The following ATF6 variants were observed in gnomAD, a reference collection of about 807,000 sequenced individuals.
ATF6 encodes the protein cyclic AMP-dependent transcription factor ATF-6 alpha.
In ATF6, 53 loss-of-function variants were observed where a neutral mutation model predicts 83.6. The ratio of observed to expected loss-of-function variants is 0.63; its 90% CI spans 0.51 to 0.80. The LOEUF (loss-of-function observed/expected upper bound fraction) is 0.80. Among genes scored for constraint, ATF6 ranks in the 30% least tolerant of loss-of-function variants. ATF6 has a pLI of 0.00. For synonymous variants in ATF6, 288 were observed against 285.8 expected, an observed-to-expected ratio of 1.01 and a Z score of -0.08; for missense variants, 744 against 797.9, an observed-to-expected ratio of 0.93 and a Z score of 0.81.
intron 6 of ATF6, among the ~76,000 whole-genome samples, chr1:161,799,267 A>G (rs1205051060): frequency 4.6e-5 from 7 of 152,218 alleles, no homozygotes; most frequent in African/African-American, 1.4e-4. Context: ...GAATGAAATC[A>G]TGTTCTTTGC....
chr1:161,899,098 G>A (rs1271948276), intron 14 of ATF6, among the ~76,000 whole-genome samples: 1 of 152,156 alleles, frequency 6.6e-6, no homozygotes, highest in Non-Finnish European at 1.5e-5. Context: ...ATGTAACAAT[G>A]TTGAGACATC....
At chr1:161,871,139 A>G (rs1457491600) in intron 14 of ATF6, among the ~76,000 whole-genome samples, 1 of 151,478 alleles carries the variant, frequency 6.6e-6, no homozygotes. Flanking sequence ...TTTATGTCCT[A>G]CTCTTCAAAA....
intron 8 of ATF6, 140 bp from the exon 9 acceptor site, chr1:161,820,930 T>C: frequency 2.1e-6 from 1 of 486,310 alleles, no homozygotes; most frequent in Non-Finnish European, 3.5e-6. Flanking sequence ...TTTGATTTTT[T>C]TTTTTTTTTT....
intron 6 of ATF6, 145 bp from the exon 7 acceptor site, chr1:161,801,907 A>C: frequency 1.5e-6 from 1 of 677,572 alleles, no homozygotes; most frequent in Non-Finnish European, 2.5e-6. Context: ...GTGTGCTGCT[A>C]TTGATCCAAT....
intron 6 of ATF6, 139 bp from the exon 7 acceptor site, chr1:161,801,913 C>T (rs1424182809): frequency 1.3e-5 from 9 of 703,840 alleles, no homozygotes; most frequent in Non-Finnish European, 2.2e-5. Context: ...TGCTATTGAT[C>T]CAATGTTTTA....
Position 161,792,078 on chromosome 1 carries a change from G to A in ATF6, c.485-46G>A, listed in dbSNP as rs371146873. 116 of 1,545,186 alleles carry A rather than the reference G, an allele frequency of 7.5e-5. No individual in the cohort carries two copies. The African/African-American group carries it at 8.6e-4, about 11-fold the overall frequency. On this transcript the variant is annotated intron_variant, in intron 5 of 15. Coordinates refer to ENST00000367942, the MANE Select transcript of ATF6 (RefSeq NM_007348.4). ...ATAGAATCTGTTTTTTAGGGCTTGC[G>A]TAATTGCTTTCACATTGACTTGTGG...
rs181085289 is a variant in ATF6, at chr1:161,788,611, C to T, written c.355-2797C>T. On this transcript the variant is annotated intron_variant, in intron 4 of 15. Transcript: ENST00000367942. ...TCCTTTATGGCTTATTTAAGAAGTC[C>T]TTCTATGCTTTTAGAGCACAGAGGT... 6.2e-3 allele frequency among the ~76,000 whole-genome samples: 949 copies of T among 151,876 alleles called. 8 individuals are homozygous for T. Among genetic ancestry groups the T allele is most frequent in the Non-Finnish European group, 9.5e-3 (643 of 67,946 alleles).
intron 11 of ATF6, 92 bp downstream of exon 11, chr1:161,851,927 G>T: frequency 1.2e-6 from 1 of 859,602 alleles, no homozygotes; most frequent in South Asian, 1.6e-5. Flanking sequence ...TTCACTAAGT[G>T]ACTGAGAGAA....
At chr1:161,791,148 A>G (rs1298912945) in intron 4 of ATF6, among the ~76,000 whole-genome samples, 1 of 150,392 alleles carries the variant, frequency 6.6e-6, no homozygotes, top group Non-Finnish European at 1.5e-5. Context: ...TGTAGGAAGA[A>G]ATGTAGCAAC....
chr1:161,886,013 T>A (rs1480787003), intron 14 of ATF6, among the ~76,000 whole-genome samples: 1 of 152,220 alleles, frequency 6.6e-6, no homozygotes, highest in Non-Finnish European at 1.5e-5. Context: ...CTATTTTACT[T>A]GTGCCAAGAG....
chr1:161,940,347 TG>T (rs1214486559), intron 15 of ATF6, among the ~76,000 whole-genome samples: 1 of 152,226 alleles, frequency 6.6e-6, no homozygotes. Context: ...TTATTGCCTT[TG>T]GGATAAATTC....
intron 6 of ATF6, 119 bp from the exon 7 acceptor site, chr1:161,801,933 G>A (rs1571143429): frequency 3.6e-6 from 3 of 827,482 alleles, no homozygotes; most frequent in Non-Finnish European, 5.8e-6. Context: ...AATTGATGGT[G>A]TCCAATCCCT....
chr1:161,811,616 C>A (rs1268539320), intron 7 of ATF6, among the ~76,000 whole-genome samples: 1 of 152,118 alleles, frequency 6.6e-6, no homozygotes, highest in African/African-American at 2.4e-5. Context: ...CCAGATTCAC[C>A]TGTTGTTAAC....
intron 15 of ATF6, among the ~76,000 whole-genome samples, chr1:161,946,087 C>T (rs756435915): frequency 5.9e-5 from 9 of 152,126 alleles, no homozygotes; most frequent in Non-Finnish European, 1.3e-4. Flanking sequence ...CTTTCTGCAG[C>T]CTCAACCTCC....
At chr1:161,838,324 A>G (rs1300176769) in intron 9 of ATF6, among the ~76,000 whole-genome samples, 1 of 152,232 alleles carries the variant, frequency 6.6e-6, no homozygotes, top group Non-Finnish European at 1.5e-5. Flanking sequence ...TAATTACTAT[A>G]GAGTATCAGT....
At chr1:161,884,881 CTGTT>C (rs762852518) in intron 14 of ATF6, among the ~76,000 whole-genome samples, 14 of 152,066 alleles carry the variant, frequency 9.2e-5, no homozygotes, top group Admixed American at 3.3e-4. Context: ...TTGCTTTTGA[CTGTT>C]TGTTGCTGGC....
intron 15 of ATF6, among the ~76,000 whole-genome samples, chr1:161,920,652 GA>G (rs1688195286): frequency 6.6e-6 from 1 of 151,628 alleles, no homozygotes; most frequent in African/African-American, 2.4e-5. Context: ...GAATCACAGT[GA>G]ATGAGCCAGT....
chr1:161,786,507 T>C (rs184304089), intron 4 of ATF6, among the ~76,000 whole-genome samples: 88 of 152,332 alleles, frequency 5.8e-4, no homozygotes, highest in African/African-American at 2.1e-3. Context: ...GCTTTTTTGT[T>C]CACTCAAAGG....
At chr1:161,812,019 T>C (rs1203030081) in intron 7 of ATF6, among the ~76,000 whole-genome samples, 1 of 152,244 alleles carries the variant, frequency 6.6e-6, no homozygotes, top group African/African-American at 2.4e-5. Context: ...GGACATTATT[T>C]ATTCCCATTT....
Sources: allele counts gnomAD v4.1 joint callset (sites outside exome capture counted in the v4.1 genomes callset), GRCh38; gene constraint gnomAD v4.1.1; transcripts MANE v1.5; gene names NCBI Gene and HGNC (gene_info 2026-07-23, HGNC 2026-07-21).